The following COL11A2 variants were observed in gnomAD, a reference collection of about 807,000 sequenced individuals.
The protein encoded by COL11A2 is collagen alpha-2(XI) chain.
Under a neutral mutation model 273.4 loss-of-function variants are expected in COL11A2, and 116 were observed. That is an observed-to-expected ratio of 0.42 (90% CI 0.36 to 0.49). The LOEUF (loss-of-function observed/expected upper bound fraction) is 0.49, where lower values mean the gene tolerates loss of function less well. Among genes scored for constraint, COL11A2 ranks in the 20% least tolerant of loss-of-function variants. The probability of loss-of-function intolerance (pLI) is 0.00; values close to 1 mark genes in which losing one functional copy is unlikely to be tolerated. For synonymous variants in COL11A2, 782 were observed against 864.2 expected, an observed-to-expected ratio of 0.90 and a Z score of 1.67; for missense variants, 1,866 against 2,309.0, an observed-to-expected ratio of 0.81 and a Z score of 3.93.
At chr6:33,175,388 C>G (rs1203246497) in intron 30 of COL11A2, 186 bp downstream of exon 30, 2 of 699,832 alleles carry the variant, frequency 2.9e-6, no homozygotes, top group African/African-American at 1.7e-5. Flanking sequence ...GGACTTTTCC[C>G]TGACTTCTTA....
intron 32 of COL11A2, 22 bp downstream of exon 32, chr6:33,174,142 CG>C (rs1770553326): frequency 6.3e-7 from 1 of 1,595,320 alleles, no homozygotes. Flanking sequence ...TCCCTTCTCA[CG>C]CCCTCCCACC....
Position 33,166,854 on chromosome 6 carries a change from G to T in COL11A2, c.4231-27C>A. The stretch of plus-strand genomic sequence containing the variant: ...TAGAGAAGGGTGCAGGCAGTCAAGA[G>T]AATGCAAAGAGGAGTCATGTGGATG... On this transcript the variant is annotated intron_variant, in intron 58 of 65. Coordinates refer to ENST00000341947, the MANE Select transcript of COL11A2 (RefSeq NM_080680.3). The surrounding 1 kb of genome is among the most constrained non-coding windows in gnomAD (Gnocchi z 4.8). The T allele has an allele frequency of 6.2e-7, 1 of 1,609,332 alleles. No homozygotes were observed. The highest frequency in any genetic ancestry group is 2.2e-5 in the East Asian group (1 of 44,794).
chr6:33,181,019 G>T lies in COL11A2; in HGVS notation c.1180-14C>A, dbSNP rs371948365. ...CACGAGCATACCCTGTGGAGTCAAA[G>T]GTTAAAAATCAGAGGCGACAGGACC... On this transcript the variant is annotated splice_polypyrimidine_tract_variant and intron_variant, in intron 9 of 65. Coordinates refer to ENST00000341947, the MANE Select transcript of COL11A2 (RefSeq NM_080680.3). 2 of 1,614,026 alleles carry T rather than the reference G, an allele frequency of 1.2e-6. No homozygotes were observed. Among genetic ancestry groups the T allele is most frequent in the Non-Finnish European group, 8.5e-7 (1 of 1,180,022 alleles).
chr6:33,177,640 G>A lies in COL11A2; in HGVS notation c.1917+22C>T, dbSNP rs1583339712. 1.2e-6 allele frequency: 2 copies of A among 1,612,506 alleles called. No homozygotes were observed. Among genetic ancestry groups the A allele is most frequent in the African/African-American group, 1.3e-5 (1 of 74,880 alleles). Reference sequence around the variant, plus strand: ...ACCTCGGGGGATAAGAATGGGGGTGGGATCTCCTATCCATCACTCACCAAG... The same window carrying A: ...ACCTCGGGGGATAAGAATGGGGGTGAGATCTCCTATCCATCACTCACCAAG... On this transcript the variant is annotated intron_variant, in intron 22 of 65. Transcript: ENST00000341947. The surrounding 1 kb of genome is among the most constrained non-coding windows in gnomAD (Gnocchi z 5.9).
chr6:33,178,089 GT>G lies in COL11A2; in HGVS notation c.1872+42del. On this transcript the variant is annotated intron_variant, in intron 21 of 65. Transcript: ENST00000341947. This position sits in a 1 kb window ranked among gnomAD's most constrained non-coding sequence, Gnocchi z 4.6. ...GCTAGAAAGGTGGAGAGTTGGAGAG[GT>G]CAAGGGGTCACCTCAGGGTCAGAAG... 6.3e-7 allele frequency: 1 copy of G among 1,588,476 alleles called. No individual in the cohort carries two copies. Among genetic ancestry groups the G allele is most frequent in the Non-Finnish European group, 8.6e-7 (1 of 1,163,002 alleles).
intron 8 of COL11A2, among the ~76,000 whole-genome samples, chr6:33,182,541 T>G (rs1771863780): frequency 6.6e-6 from 1 of 151,370 alleles, no homozygotes; most frequent in African/African-American, 2.4e-5. Context: ...TGAAACCCCG[T>G]CTCTACTAAA....
intron 52 of COL11A2, 57 bp downstream of exon 52, chr6:33,168,898 A>ACCC (rs113461359): frequency 1.3e-6 from 2 of 1,519,618 alleles, no homozygotes; most frequent in Non-Finnish European, 1.8e-6. Context: ...CACACAGAGG[A>ACCC]CCCCCCCATA....
chr6:33,169,981 A>C lies in COL11A2; in HGVS notation c.3636+66T>G. The C allele has an allele frequency of 6.2e-7, 1 of 1,612,758 alleles. No homozygotes were observed. The highest frequency in any genetic ancestry group is 8.5e-7 in the Non-Finnish European group (1 of 1,179,066). ...ATTCTCTTTTGTCTCCCCACCCAAA[A>C]TTGGCAGAAATCCAACTCCCATCCC... On this transcript the variant is annotated intron_variant, in intron 49 of 65. Coordinates refer to ENST00000341947, the MANE Select transcript of COL11A2 (RefSeq NM_080680.3). The surrounding 1 kb of genome is among the most constrained non-coding windows in gnomAD (Gnocchi z 5.5).
rs759603706 is a variant in COL11A2 at position 33,177,150 on chromosome 6, C to T, written c.2016+31G>A. ...TTCTCCCTACATCCCCACTCTAAACCCCCTGTCCTCCAAATCACTTAGTCA... is the reference window on the plus strand; with the variant it reads ...TTCTCCCTACATCCCCACTCTAAACTCCCTGTCCTCCAAATCACTTAGTCA... On this transcript the variant is annotated intron_variant, in intron 24 of 65. Coordinates refer to ENST00000341947, the MANE Select transcript of COL11A2 (RefSeq NM_080680.3). The surrounding 1 kb of genome is among the most constrained non-coding windows in gnomAD (Gnocchi z 5.9). 26 of 1,612,992 alleles carry T rather than the reference C, an allele frequency of 1.6e-5. No individual in the cohort carries two copies. The highest frequency in any genetic ancestry group is 2.2e-5 in the Non-Finnish European group (26 of 1,180,008).
chr6:33,167,658 A>G lies in COL11A2; in HGVS notation c.4015-125T>C. On this transcript the variant is annotated intron_variant, in intron 55 of 65. Transcript: ENST00000341947. This position sits in a 1 kb window ranked among gnomAD's most constrained non-coding sequence, Gnocchi z 6.1. ...GCCAAACTCTAGGAGCCCCTAGCGC[A>G]GGAACAAGTACAGGGAACGCCTGTC... 1 of 1,451,864 alleles carries G rather than the reference A, an allele frequency of 6.9e-7. No individual in the cohort carries two copies. Among genetic ancestry groups the G allele is most frequent in the Non-Finnish European group, 9.5e-7 (1 of 1,048,176 alleles). The allele number at this position is 1,451,864 out of a possible 1,614,324, so 89.9% of individuals were successfully genotyped here.
chr6:33,180,194 G>T, intron 12 of COL11A2, 64 bp downstream of exon 12: 1 of 1,482,840 alleles, frequency 6.7e-7, no homozygotes, highest in Non-Finnish European at 9.4e-7. Flanking sequence ...TCTGGTTCTT[G>T]GTAACATGAC....
At position 33,178,520 on chromosome 6, in the gene COL11A2, T is replaced by C. The variant is rs746349425; in HGVS notation, c.1720-32A>G. ...AATGGGGGAACTCATAAGAGGGGCTTCAGAGCCCCCAACACAGGCAGACAC... is the reference window on the plus strand; with the variant it reads ...AATGGGGGAACTCATAAGAGGGGCTCCAGAGCCCCCAACACAGGCAGACAC... On this transcript the variant is annotated intron_variant, in intron 18 of 65. Transcript: ENST00000341947. This position sits in a 1 kb window ranked among gnomAD's most constrained non-coding sequence, Gnocchi z 4.6. 1.9e-6 allele frequency: 3 copies of C among 1,612,306 alleles called. No homozygotes were observed. Among genetic ancestry groups the C allele is most frequent in the East Asian group, 4.5e-5 (2 of 44,856 alleles).
At chr6:33,168,435 A>G in intron 54 of COL11A2, 84 bp downstream of exon 54, 1 of 1,457,132 alleles carries the variant, frequency 6.9e-7, no homozygotes, top group Non-Finnish European at 9.6e-7. Flanking sequence ...GCACCTCCCC[A>G]CCCATCCCAC....
chr6:33,167,823 C>T lies in COL11A2; in HGVS notation c.3990G>A (p.Gly1330=), dbSNP rs574152442. The change falls in exon 55 of 66, where the codon GGG becomes GGA. Residue 1330 remains glycine (G), a synonymous_variant. Transcript: ENST00000341947. The surrounding 1 kb of genome is among the most constrained non-coding windows in gnomAD (Gnocchi z 6.1). ...RGPAGSPGSE[G]RQGGKGAKGD... is the part of the protein sequence containing the mutation. ...CCTTGGCTCCCTTCCCTCCTTGTCG[C>T]CCCTCGGAACCAGGCGAGCCAGCAG... The T allele has an allele frequency of 1.6e-5, 25 of 1,612,850 alleles. No homozygotes were observed. The South Asian group carries it at 2.3e-4, about 15-fold the overall frequency.
Position 33,163,279 on chromosome 6 carries a change from T to A in COL11A2, c.*399A>T, listed in dbSNP as rs534738406. 21 of 232,744 alleles carry A rather than the reference T, an allele frequency of 9.0e-5. No individual in the cohort carries two copies. The highest frequency in any genetic ancestry group is 4.5e-4 in the African/African-American group (20 of 44,208). The allele number at this position is 232,744 out of a possible 1,614,324, so 14.4% of individuals were successfully genotyped here. On this transcript the variant is annotated 3_prime_UTR_variant, in exon 66 of 66. Coordinates refer to ENST00000341947, the MANE Select transcript of COL11A2 (RefSeq NM_080680.3). This position sits in a 1 kb window ranked among gnomAD's most constrained non-coding sequence, Gnocchi z 4.1. ...CCCCGAGACCCCTGTCTTCAACATCTGCTGATTTTTGTTGGCGTTTCTCTT... is the reference window on the plus strand; with the variant it reads ...CCCCGAGACCCCTGTCTTCAACATCAGCTGATTTTTGTTGGCGTTTCTCTT...
intron 12 of COL11A2, 78 bp downstream of exon 12, chr6:33,180,180 C>A: frequency 7.3e-7 from 1 of 1,366,642 alleles, no homozygotes; most frequent in South Asian, 1.2e-5. Context: ...ATCTTTCCTG[C>A]CCATCTGGTT....
Position 33,165,092 on chromosome 6 carries a change from T to C in COL11A2, c.4751-128A>G. The C allele has an allele frequency of 1.4e-6, 1 of 704,976 alleles. No individual in the cohort carries two copies. Among genetic ancestry groups the C allele is most frequent in the Non-Finnish European group, 2.5e-6 (1 of 402,794 alleles). The allele number at this position is 704,976 out of a possible 1,614,324, so 43.7% of individuals were successfully genotyped here. On this transcript the variant is annotated intron_variant, in intron 63 of 65. Transcript: ENST00000341947. The surrounding 1 kb of genome is among the most constrained non-coding windows in gnomAD (Gnocchi z 7.7). ...CTCTTAGTCTCCTGGTCCTCCTCCC[T>C]CCCAGAGCCCTAGAATCTAGCCCTA...
Position 33,188,483 on chromosome 6 carries a change from G to A in COL11A2, c.485C>T (p.Thr162Ile), listed in dbSNP as rs1310968912. 1.4e-5 allele frequency: 22 copies of A among 1,613,076 alleles called. No individual in the cohort carries two copies. Among genetic ancestry groups the A allele is most frequent in the Non-Finnish European group, 1.9e-5 (22 of 1,180,036 alleles). ...TCGCTTCTTGCAGTCAACAATGAGG[G>A]TGACAGACTGGCCCTTCACAGCCAC... ...VAVAVKGQSV[T>I]LIVDCKKRVT... The change falls in exon 4 of 66, where the codon ACC becomes ATC. Residue 162 changes from threonine to isoleucine, a missense_variant. By Grantham distance (89) the Thr-to-Ile change is moderately conservative. Coordinates refer to ENST00000341947, the MANE Select transcript of COL11A2 (RefSeq NM_080680.3).
At position 33,169,787 on chromosome 6, in the gene COL11A2, G is replaced by C; in HGVS notation, c.3690+44C>G. 1.2e-6 allele frequency: 2 copies of C among 1,611,612 alleles called. No homozygotes were observed. Among genetic ancestry groups the C allele is most frequent in the Non-Finnish European group, 8.5e-7 (1 of 1,177,782 alleles). ...GGAAAAGTGGAGGCAGGGTTGAGGC[G>C]GGTGACGGGGACTGGGGAGTAAGGC... On this transcript the variant is annotated intron_variant, in intron 50 of 65. Coordinates refer to ENST00000341947, the MANE Select transcript of COL11A2 (RefSeq NM_080680.3). This position sits in a 1 kb window ranked among gnomAD's most constrained non-coding sequence, Gnocchi z 5.5.
Sources: allele counts gnomAD v4.1 joint callset (sites outside exome capture counted in the v4.1 genomes callset), GRCh38; gene constraint gnomAD v4.1.1; non-coding constraint Gnocchi (gnomAD v3.1); transcripts MANE v1.5; gene names NCBI Gene and HGNC (gene_info 2026-07-23, HGNC 2026-07-21).